The following TSC22D1 variants were observed in gnomAD, a reference collection of about 807,000 sequenced individuals.
TSC22D1 encodes the protein TSC22 domain family protein 1.
Under a neutral mutation model 74.2 loss-of-function variants are expected in TSC22D1, and 9 were observed. The ratio of observed to expected loss-of-function variants is 0.12; its 90% CI spans 0.07 to 0.21. The LOEUF is 0.21. TSC22D1 is among the 10% of genes least tolerant of loss of function. TSC22D1 has a pLI of 1.00. For synonymous variants in TSC22D1, 586 were observed against 492.5 expected, an observed-to-expected ratio of 1.19 and a Z score of -2.51; for missense variants, 1,427 against 1,304.7, an observed-to-expected ratio of 1.09 and a Z score of -1.44.
At chr13:44,519,492 C>T (rs1399398676) in intron 1 of TSC22D1, among the ~76,000 whole-genome samples, 1 of 152,020 alleles carries the variant, frequency 6.6e-6, no homozygotes, top group Non-Finnish European at 1.5e-5. Context: ...AATGATCTCA[C>T]CTATTCAAGA....
chr13:44,491,093 G>A (rs1878690152), intron 1 of TSC22D1, among the ~76,000 whole-genome samples: 1 of 152,058 alleles, frequency 6.6e-6, no homozygotes, highest in Non-Finnish European at 1.5e-5. Context: ...TTTGAACTCA[G>A]GAGGCAGAGG....
chr13:44,528,446 T>C (rs1318207108), intron 1 of TSC22D1, among the ~76,000 whole-genome samples: 1 of 152,058 alleles, frequency 6.6e-6, no homozygotes, highest in South Asian at 2.1e-4. Context: ...CTTCTAAATA[T>C]AACATCGGTC....
At position 44,552,883 on chromosome 13, in the gene TSC22D1, G is replaced by C. The variant is rs192008592; in HGVS notation, c.2912+20280C>G. Among the ~76,000 whole-genome samples, 417 of 152,242 alleles carry C rather than the reference G, an allele frequency of 2.7e-3. 7 individuals carry two copies. Among genetic ancestry groups the C allele is most frequent in the Admixed American group, 0.025 (386 of 15,290 alleles). ...GGCGCCTTTAGTCCCATCTACTCCG[G>C]AGGCTGAGGCAGGAGAATGGCGTGA... is the stretch of plus-strand genomic sequence containing the variant. On this transcript the variant is annotated intron_variant, in intron 1 of 2. Coordinates refer to ENST00000458659, the MANE Select transcript of TSC22D1 (RefSeq NM_183422.4).
At chr13:44,476,989 G>C (rs1350207922) in intron 1 of TSC22D1, among the ~76,000 whole-genome samples, 1 of 151,504 alleles carries the variant, frequency 6.6e-6, no homozygotes, top group Non-Finnish European at 1.5e-5. Context: ...TTGTTTGTTT[G>C]TTTTATTTTG....
chr13:44,517,768 T>TATATATATACACATATATATAC (rs1314903550), intron 1 of TSC22D1, among the ~76,000 whole-genome samples: 1 of 110,422 alleles, frequency 9.1e-6, no homozygotes, highest in Non-Finnish European at 2.0e-5. Context: ...TGTGTGTATA[T>TATATATATACACATATATATAC]ATATATATAC....
chr13:44,509,010 T>C (rs1029949476), intron 1 of TSC22D1, among the ~76,000 whole-genome samples: 1 of 151,890 alleles, frequency 6.6e-6, no homozygotes, highest in African/African-American at 2.4e-5. Context: ...AAATAACAAG[T>C]TTAGGGAAAA....
chr13:44,465,574 C>T (rs1247128953), intron 1 of TSC22D1, among the ~76,000 whole-genome samples: 1 of 152,156 alleles, frequency 6.6e-6, no homozygotes, highest in Non-Finnish European at 1.5e-5. Flanking sequence ...ACCACTAGAC[C>T]AGAGGGGGCA....
At chr13:44,441,745 T>C (rs934142863) in intron 1 of TSC22D1, among the ~76,000 whole-genome samples, 1 of 152,174 alleles carries the variant, frequency 6.6e-6, no homozygotes, top group Non-Finnish European at 1.5e-5. Flanking sequence ...TTTTTGGGTA[T>C]GTACATGTAT....
chr13:44,549,322 C>G (rs994917189), intron 1 of TSC22D1, among the ~76,000 whole-genome samples: 3 of 152,112 alleles, frequency 2.0e-5, no homozygotes, highest in African/African-American at 7.2e-5. Flanking sequence ...TTGTAAAAGA[C>G]AGAACACATC....
chr13:44,470,197 A>G (rs562341020), intron 1 of TSC22D1, among the ~76,000 whole-genome samples: 1 of 152,216 alleles, frequency 6.6e-6, no homozygotes, highest in African/African-American at 2.4e-5. Flanking sequence ...AATATGAAAG[A>G]AAACTTCCCC....
At chr13:44,552,764 G>A (rs1023770760) in intron 1 of TSC22D1, among the ~76,000 whole-genome samples, 15 of 152,306 alleles carry the variant, frequency 9.8e-5, no homozygotes, top group Admixed American at 2.6e-4. Context: ...CGAGGCAGGC[G>A]GATCACAAGG....
intron 1 of TSC22D1, among the ~76,000 whole-genome samples, chr13:44,482,896 C>A (rs1878247600): frequency 6.6e-6 from 1 of 152,088 alleles, no homozygotes; most frequent in South Asian, 2.1e-4. Context: ...GATGTTATTC[C>A]AAGTGCTTTA....
intron 2 of TSC22D1, chr13:44,435,660 T>C: frequency 3.7e-6 from 1 of 271,448 alleles, no homozygotes; most frequent in Non-Finnish European, 7.1e-6. Flanking sequence ...TCTGGGGCCC[T>C]CCCCACCTCC....
chr13:44,537,973 T>C (rs1037106174), intron 1 of TSC22D1: 9 of 985,226 alleles, frequency 9.1e-6, no homozygotes, highest in Non-Finnish European at 1.1e-5. Flanking sequence ...AAACATTCTT[T>C]AATAGCTTTT....
chr13:44,525,779 C>A (rs1171400814), intron 1 of TSC22D1, among the ~76,000 whole-genome samples: 1 of 140,798 alleles, frequency 7.1e-6, no homozygotes, highest in Non-Finnish European at 1.5e-5. Flanking sequence ...CCCAATACAT[C>A]ATATCTAGCT....
In TSC22D1 at chr13:44,461,192, G is replaced by T. The variant is rs76372354; in HGVS notation, c.2913-25097C>A. Among the ~76,000 whole-genome samples, 1,069 of 152,220 alleles carry T rather than the reference G, an allele frequency of 7.0e-3. 13 individuals carry two copies. Among genetic ancestry groups the T allele is most frequent in the African/African-American group, 0.024 (992 of 41,524 alleles). On this transcript the variant is annotated intron_variant, in intron 1 of 2. Transcript: ENST00000458659. ...CTATTATCATTGCATATACAAATTA[G>T]TAGTTAACTGAGACTATGCAAAATT...
chr13:44,445,696 T>C (rs893087581), intron 1 of TSC22D1, among the ~76,000 whole-genome samples: 1 of 151,764 alleles, frequency 6.6e-6, no homozygotes, highest in Non-Finnish European at 1.5e-5. Context: ...AACAACCCAT[T>C]AAAAGAAAAG....
At chr13:44,567,026 A>T (rs1462017272) in intron 1 of TSC22D1, among the ~76,000 whole-genome samples, 1 of 152,212 alleles carries the variant, frequency 6.6e-6, no homozygotes. Flanking sequence ...ATCCCAAGAA[A>T]AAAAAAGGAA....
At chr13:44,544,047 T>C (rs1167007305) in intron 1 of TSC22D1, among the ~76,000 whole-genome samples, 1 of 152,156 alleles carries the variant, frequency 6.6e-6, no homozygotes, top group African/African-American at 2.4e-5. Context: ...GAGCTGAGAC[T>C]GTGCCATTGC....
Sources: allele counts gnomAD v4.1 joint callset (sites outside exome capture counted in the v4.1 genomes callset), GRCh38; gene constraint gnomAD v4.1.1; transcripts MANE v1.5; gene names NCBI Gene and HGNC (gene_info 2026-07-23, HGNC 2026-07-21).